PTPRD: variants seen among roughly 807,000 people sequenced by gnomAD.
PTPRD encodes protein tyrosine phosphatase receptor type D.
A neutral mutation model predicts 214.5 loss-of-function variants in PTPRD; 34 were observed. The observed-to-expected ratio is 0.16, with a 90% CI of 0.12 to 0.21. The LOEUF is 0.21. PTPRD is among the 10% of genes least tolerant of loss of function. The pLI, the probability that PTPRD is intolerant of heterozygous loss-of-function variation, is 1.00. For missense variants in PTPRD, 2,545 were observed against 2,398.7 expected, an observed-to-expected ratio of 1.06 and a Z score of -1.27; for synonymous variants, 1,128 against 845.7, an observed-to-expected ratio of 1.33 and a Z score of -5.79.
chr9:9,562,373 G>C (rs1462022879), intron 8 of PTPRD, among the ~76,000 whole-genome samples: 1 of 152,086 alleles, frequency 6.6e-6, no homozygotes, highest in Non-Finnish European at 1.5e-5. Context: ...CTGCATTACG[G>C]TAGCCTTTAA....
chr9:10,544,339 G>A (rs1456774727), intron 2 of PTPRD, among the ~76,000 whole-genome samples: 1 of 152,092 alleles, frequency 6.6e-6, no homozygotes, highest in Non-Finnish European at 1.5e-5. Context: ...AGACAAAAAT[G>A]TACCATTTTA....
At chr9:10,017,635 A>C (rs1453237569) in intron 4 of PTPRD, among the ~76,000 whole-genome samples, 1 of 152,122 alleles carries the variant, frequency 6.6e-6, no homozygotes, top group Non-Finnish European at 1.5e-5. Context: ...ATTTTTCCAT[A>C]TGAAAAATCA....
At chr9:8,840,673 G>T (rs1383137131) in intron 11 of PTPRD, among the ~76,000 whole-genome samples, 1 of 152,128 alleles carries the variant, frequency 6.6e-6, no homozygotes, top group East Asian at 1.9e-4. Flanking sequence ...TACCACTGGG[G>T]CTTAGTATGT....
At chr9:10,089,485 T>C (rs1379932334) in intron 3 of PTPRD, among the ~76,000 whole-genome samples, 3 of 151,580 alleles carry the variant, frequency 2.0e-5, no homozygotes, top group African/African-American at 7.3e-5. Context: ...TAAAATGTAA[T>C]AATGGTGAGT....
At chr9:9,291,335 A>T (rs1395535722) in intron 9 of PTPRD, among the ~76,000 whole-genome samples, 1 of 151,474 alleles carries the variant, frequency 6.6e-6, no homozygotes. Flanking sequence ...AATTTGAGAG[A>T]CTGCTTTCTT....
At chr9:8,832,410 C>CCTT (rs1555402652) in intron 11 of PTPRD, among the ~76,000 whole-genome samples, 1 of 127,970 alleles carries the variant, frequency 7.8e-6, no homozygotes, top group Non-Finnish European at 1.6e-5. Context: ...CTAAAATCAT[C>CCTT]TTTTTTTTTT....
chr9:8,878,900 T>C (rs1319700897), intron 11 of PTPRD, among the ~76,000 whole-genome samples: 1 of 152,178 alleles, frequency 6.6e-6, no homozygotes, highest in East Asian at 1.9e-4. Context: ...AGAATGGCCA[T>C]AGCTATACCC....
chr9:10,096,996 T>A (rs1411626407), intron 3 of PTPRD, among the ~76,000 whole-genome samples: 1 of 152,028 alleles, frequency 6.6e-6, no homozygotes, highest in African/African-American at 2.4e-5. Context: ...AAATAGGGAA[T>A]CCTTTCCTCA....
At chr9:8,753,349 G>T (rs763868176) in intron 11 of PTPRD, among the ~76,000 whole-genome samples, 14 of 152,222 alleles carry the variant, frequency 9.2e-5, no homozygotes, top group African/African-American at 3.4e-4. Context: ...CTGACAGGTA[G>T]TAGTTAGCAT....
At chr9:8,841,470 G>A (rs1429651621) in intron 11 of PTPRD, among the ~76,000 whole-genome samples, 1 of 150,548 alleles carries the variant, frequency 6.6e-6, no homozygotes, top group Non-Finnish European at 1.5e-5. Context: ...GGGAAGAGTG[G>A]ACACAGTTCA....
At chr9:8,512,577 C>T (rs1360032893) in intron 21 of PTPRD, among the ~76,000 whole-genome samples, 1 of 151,936 alleles carries the variant, frequency 6.6e-6, no homozygotes, top group Non-Finnish European at 1.5e-5. Flanking sequence ...TATATTTTAA[C>T]ACTTTTGCAA....
chr9:8,740,343 C>A (rs7031382), intron 11 of PTPRD, among the ~76,000 whole-genome samples: 11,147 of 152,150 alleles, frequency 0.073, 1,096 homozygotes, highest in African/African-American at 0.23. Context: ...AAAGAACTGC[C>A]ACATTCTATA....
chr9:9,434,492 C>T (rs1395659153), intron 8 of PTPRD, among the ~76,000 whole-genome samples: 2 of 152,116 alleles, frequency 1.3e-5, no homozygotes, highest in East Asian at 1.9e-4. Flanking sequence ...AATGACAATA[C>T]CAACTTCTTC....
At chr9:9,019,877 G>T (rs969996191) in intron 10 of PTPRD, among the ~76,000 whole-genome samples, 5 of 152,074 alleles carry the variant, frequency 3.3e-5, no homozygotes, top group Non-Finnish European at 2.9e-5. Context: ...CATTGAACTT[G>T]TTCACTTTTT....
intron 2 of PTPRD, among the ~76,000 whole-genome samples, chr9:10,475,981 C>T (rs2131911004): frequency 6.6e-6 from 1 of 152,142 alleles, no homozygotes; most frequent in East Asian, 1.9e-4. Context: ...TAGAAGATAT[C>T]TCAAAATAAT....
intron 12 of PTPRD, among the ~76,000 whole-genome samples, chr9:8,685,707 T>C (rs901362352): frequency 1.2e-4 from 18 of 152,162 alleles, no homozygotes; most frequent in African/African-American, 3.4e-4. Flanking sequence ...TGTTCAAGAA[T>C]GTCAAGCAAC....
intron 9 of PTPRD, among the ~76,000 whole-genome samples, chr9:9,228,062 G>A (rs1278754368): frequency 6.6e-6 from 1 of 152,116 alleles, no homozygotes; most frequent in East Asian, 1.9e-4. Context: ...GGTCATGTTA[G>A]CTGAAATTGC....
intron 9 of PTPRD, among the ~76,000 whole-genome samples, chr9:9,304,727 G>A (rs1211181150): frequency 6.6e-6 from 1 of 150,968 alleles, no homozygotes; most frequent in Non-Finnish European, 1.5e-5. Flanking sequence ...GATTTTATAT[G>A]TATATTTTCT....
At chr9:9,930,206 A>T (rs1191360541) in intron 5 of PTPRD, among the ~76,000 whole-genome samples, 1 of 152,214 alleles carries the variant, frequency 6.6e-6, no homozygotes, top group Non-Finnish European at 1.5e-5. Context: ...GGAGACCTGC[A>T]GTTCATTTGG....
Sources: gnomAD v4.1 joint callset for allele counts (sites outside exome capture counted in the v4.1 genomes callset) on GRCh38, gnomAD v4.1.1 for gene constraint, MANE v1.5 for transcripts, NCBI Gene and HGNC (gene_info 2026-07-23, HGNC 2026-07-21) for gene names.